Variants in PPIL6 observed in about 807,000 individuals in gnomAD.
PPIL6 encodes peptidylprolyl isomerase like 6, also known as probable inactive peptidyl-prolyl cis-trans isomerase-like 6.
Under a neutral mutation model 36.8 loss-of-function variants are expected in PPIL6, and 39 were observed. That is an observed-to-expected ratio of 1.06 (90% CI 0.82 to 1.38). PPIL6 has a LOEUF of 1.38. Ranked by LOEUF, PPIL6 falls within the 40% of genes most tolerant of loss-of-function variation. The pLI is 0.00. For missense variants in PPIL6, 368 were observed against 379.1 expected (o/e 0.97, Z 0.24); for synonymous variants, 123 against 134.1 (o/e 0.92, Z 0.57).
At chr6:109,397,536 C>T (rs902372639) in intron 7 of PPIL6, among the ~76,000 whole-genome samples, 11 of 152,172 alleles carry the variant, frequency 7.2e-5, no homozygotes, top group African/African-American at 1.2e-4. Context: ...TGTACCTTGT[C>T]GCTCTTTTTC....
chr6:109,435,907 AGAGT>A (rs1774420852), intron 2 of PPIL6, among the ~76,000 whole-genome samples, 193 bp downstream of exon 2: 1 of 152,216 alleles, frequency 6.6e-6, no homozygotes, highest in Admixed American at 6.5e-5. Context: ...CCTGGGTAAC[AGAGT>A]GAGACCCTGT....
rs957160069 is a variant in PPIL6 at position 109,409,057 on chromosome 6, T to A, written c.689-8887A>T. Among the ~76,000 whole-genome samples, 16 of 152,354 alleles carry A rather than the reference T, an allele frequency of 1.1e-4. 1 individual carries two copies. In the South Asian group the frequency reaches 1.9e-3, roughly 18 times the overall value. ...AGGACTTATCCTTGAGATGCAAGGA[T>A]GGTTCAATGTATGCAAATCAATCAA... On this transcript the variant is annotated intron_variant, in intron 6 of 7. Coordinates refer to ENST00000521072, the MANE Select transcript of PPIL6 (RefSeq NM_173672.5).
rs569426338 is a variant in PPIL6, at chr6:109,398,170, G to A, written c.824+1865C>T. Among the ~76,000 whole-genome samples, 5 of 152,288 alleles carry A rather than the reference G, an allele frequency of 3.3e-5. No homozygotes were observed. The South Asian group carries it at 6.2e-4, about 19-fold the overall frequency. ...CTCCCAAAGTGCTGGGATTACAGGC[G>A]TGAGCCACCGCGTCCAGCCTTAAAA... is the stretch of plus-strand genomic sequence containing the variant. On this transcript the variant is annotated intron_variant, in intron 7 of 7. Coordinates refer to ENST00000521072, the MANE Select transcript of PPIL6 (RefSeq NM_173672.5).
chr6:109,410,897 C>G lies in PPIL6; in HGVS notation c.688+8290G>C, dbSNP rs181925889. On this transcript the variant is annotated intron_variant, in intron 6 of 7. Coordinates refer to ENST00000521072, the MANE Select transcript of PPIL6 (RefSeq NM_173672.5). Reference sequence around the variant, plus strand: ...GAAAACAAAGGGTGTCCCGCCACCCCCATCGGAACAGGGGAAAAATATCTC... The same window carrying G: ...GAAAACAAAGGGTGTCCCGCCACCCGCATCGGAACAGGGGAAAAATATCTC... Among the ~76,000 whole-genome samples the G allele has an allele frequency of 1.4e-3, 218 of 152,234 alleles. 1 individual carries two copies. The highest frequency in any genetic ancestry group is 3.4e-3 in the Middle Eastern group (1 of 294).
chr6:109,419,530 C>A (rs1773435392), intron 5 of PPIL6, among the ~76,000 whole-genome samples: 1 of 152,060 alleles, frequency 6.6e-6, no homozygotes, highest in Non-Finnish European at 1.5e-5. Flanking sequence ...CGAGACCAGC[C>A]TGGCCAACAC....
chr6:109,431,848 C>T (rs1161538368), intron 2 of PPIL6, among the ~76,000 whole-genome samples: 1 of 152,186 alleles, frequency 6.6e-6, no homozygotes, highest in Non-Finnish European at 1.5e-5. Context: ...CTTTTGTAAT[C>T]GCCCTTCTTC....
At chr6:109,410,307 C>T (rs557654491) in intron 6 of PPIL6, among the ~76,000 whole-genome samples, 7 of 152,282 alleles carry the variant, frequency 4.6e-5, no homozygotes, top group African/African-American at 1.7e-4. Flanking sequence ...CCCAACGGAA[C>T]ACCATGTTGT....
In PPIL6 at chr6:109,431,388, G is replaced by C. The variant is rs374219288; in HGVS notation, c.232-43C>G. Reference sequence around the variant, plus strand: ...AAAAAAAAAAAAAAACGTAAGAAGTGGGGGGAAAACTTGCTAAACCCATAA... The same window carrying C: ...AAAAAAAAAAAAAAACGTAAGAAGTCGGGGGAAAACTTGCTAAACCCATAA... On this transcript the variant is annotated intron_variant, in intron 2 of 7. Coordinates refer to ENST00000521072, the MANE Select transcript of PPIL6 (RefSeq NM_173672.5). 125 of 1,432,548 alleles carry C rather than the reference G, an allele frequency of 8.7e-5. No individual in the cohort carries two copies. The African/African-American group carries it at 9.6e-4, about 11-fold the overall frequency. 88.7% of individuals were successfully genotyped at this position (1,432,548 alleles called of 1,614,324 possible).
chr6:109,409,430 G>A (rs1185671292), intron 6 of PPIL6, among the ~76,000 whole-genome samples: 3 of 152,046 alleles, frequency 2.0e-5, no homozygotes, highest in Non-Finnish European at 2.9e-5. Context: ...CAGGCAGGGC[G>A]GCAGGTGCCT....
At position 109,395,607 on chromosome 6, in the gene PPIL6, CT is replaced by C. The variant is rs765163208; in HGVS notation, c.825-2671del. On this transcript the variant is annotated intron_variant, in intron 7 of 7. Coordinates refer to ENST00000521072, the MANE Select transcript of PPIL6 (RefSeq NM_173672.5). The stretch of plus-strand genomic sequence containing the variant: ...AGGCCCTCACCCCCGACTCTAACTT[CT>C]TTTTTTTTTTTTTTTTTGAGACAGT... Among the ~76,000 whole-genome samples the C allele has an allele frequency of 3.4e-3, 378 of 111,110 alleles. 1 individual carries two copies. Among genetic ancestry groups the C allele is most frequent in the South Asian group, 0.032 (98 of 3,048 alleles). The allele number at this position is 111,110 out of a possible 152,430, so 72.9% of individuals were successfully genotyped here.
chr6:109,403,141 T>C, intron 6 of PPIL6: 1 of 1,418,988 alleles, frequency 7.0e-7, no homozygotes, highest in Non-Finnish European at 9.3e-7. Context: ...TAAATTTAAA[T>C]TAAATTAAAT....
chr6:109,411,642 C>T (rs1773017892), intron 6 of PPIL6, among the ~76,000 whole-genome samples: 1 of 152,132 alleles, frequency 6.6e-6, no homozygotes, highest in South Asian at 2.1e-4. Context: ...TTCTTGTTTC[C>T]AATTTTTGGC....
At chr6:109,437,737 C>G (rs1374715269) in intron 1 of PPIL6, among the ~76,000 whole-genome samples, 3 of 151,706 alleles carry the variant, frequency 2.0e-5, no homozygotes, top group Non-Finnish European at 4.4e-5. Flanking sequence ...GCATTTTTAG[C>G]AGAGACGAGG....
At chr6:109,398,084 G>C (rs1238358851) in intron 7 of PPIL6, among the ~76,000 whole-genome samples, 1 of 152,046 alleles carries the variant, frequency 6.6e-6, no homozygotes, top group Non-Finnish European at 1.5e-5. Context: ...GAGAGATGGG[G>C]TTTCACCATG....
chr6:109,416,193 T>G (rs1170432261), intron 6 of PPIL6, among the ~76,000 whole-genome samples: 1 of 144,020 alleles, frequency 6.9e-6, no homozygotes, highest in Admixed American at 7.2e-5. Context: ...ATAAATGTCT[T>G]TTGTGGCTTT....
At chr6:109,414,278 C>T (rs1165382146) in intron 6 of PPIL6, among the ~76,000 whole-genome samples, 2 of 152,190 alleles carry the variant, frequency 1.3e-5, no homozygotes, top group East Asian at 3.9e-4. Context: ...ATTCCTCTGC[C>T]TACCTTGTAC....
At chr6:109,401,322 G>A in intron 6 of PPIL6, among the ~76,000 whole-genome samples, 1 of 152,106 alleles carries the variant, frequency 6.6e-6, no homozygotes, top group East Asian at 1.9e-4. Context: ...ACCATTCCCA[G>A]CTTTGCCTCC....
intron 6 of PPIL6, among the ~76,000 whole-genome samples, chr6:109,414,860 A>G (rs1773176598): frequency 6.6e-6 from 1 of 152,210 alleles, no homozygotes; most frequent in African/African-American, 2.4e-5. Flanking sequence ...AATGGACTAG[A>G]TGCCTTATCA....
rs1026125778 is a variant in PPIL6, at chr6:109,418,671, T to G, written c.688+516A>C. ...AAGTGATTCTCCTGCCTCAGCCTCCTGAGGATCTGGGAGGCGTGCGCCATC... is the reference window on the plus strand; with the variant it reads ...AAGTGATTCTCCTGCCTCAGCCTCCGGAGGATCTGGGAGGCGTGCGCCATC... On this transcript the variant is annotated intron_variant, in intron 6 of 7. Coordinates refer to ENST00000521072, the MANE Select transcript of PPIL6 (RefSeq NM_173672.5). 2.6e-4 allele frequency among the ~76,000 whole-genome samples: 40 copies of G among 151,858 alleles called. 1 individual carries two copies. Among genetic ancestry groups the G allele is most frequent in the Admixed American group, 2.4e-3 (37 of 15,244 alleles).
Sources: allele counts gnomAD v4.1 joint callset (sites outside exome capture counted in the v4.1 genomes callset), GRCh38; gene constraint gnomAD v4.1.1; transcripts MANE v1.5; gene names NCBI Gene and HGNC (gene_info 2026-07-23, HGNC 2026-07-21).